The following NCMAP variants were observed in gnomAD, a reference collection of about 807,000 sequenced individuals.
NCMAP encodes noncompact myelin-associated protein.
Under a neutral mutation model 7.8 loss-of-function variants are expected in NCMAP, and 8 were observed. That is an observed-to-expected ratio of 1.02 (90% CI 0.60 to 1.84). The LOEUF (loss-of-function observed/expected upper bound fraction) is 1.84. Ranked by LOEUF, NCMAP falls within the 40% of genes most tolerant of loss-of-function variation. NCMAP has a pLI of 0.00. For missense variants in NCMAP, 112 were observed against 131.4 expected, an observed-to-expected ratio of 0.85 and a Z score of 0.72; for synonymous variants, 41 against 52.9, an observed-to-expected ratio of 0.78 and a Z score of 0.98.
intron 3 of NCMAP, among the ~76,000 whole-genome samples, chr1:24,604,129 C>T (rs899081208): frequency 1.3e-5 from 2 of 152,172 alleles, no homozygotes; most frequent in African/African-American, 4.8e-5. Context: ...ACCTAAACTC[C>T]TCCCATTAGG....
intron 3 of NCMAP, among the ~76,000 whole-genome samples, chr1:24,602,028 G>A (rs1216455346): frequency 1.5e-5 from 2 of 131,082 alleles, no homozygotes; most frequent in African/African-American, 3.0e-5. Flanking sequence ...GTGACGGAGC[G>A]AAACTCCGTC....
intron 1 of NCMAP, among the ~76,000 whole-genome samples, chr1:24,577,859 C>CG (rs111741281): frequency 0.012 from 1,830 of 151,752 alleles, 7 homozygotes; most frequent in Non-Finnish European, 0.015. Context: ...GGCCGGGGGT[C>CG]GGGGGTCTTA....
intron 1 of NCMAP, among the ~76,000 whole-genome samples, chr1:24,561,898 G>A (rs568253876): frequency 3.1e-4 from 41 of 132,626 alleles, no homozygotes. Flanking sequence ...GGACAAGAGC[G>A]AGACTTCGTC....
intron 2 of NCMAP, among the ~76,000 whole-genome samples, chr1:24,600,480 G>A (rs779862557): frequency 1.3e-5 from 2 of 152,184 alleles, no homozygotes; most frequent in Non-Finnish European, 2.9e-5. Flanking sequence ...GCATCAACAC[G>A]ATCACATTGG....
intron 1 of NCMAP, among the ~76,000 whole-genome samples, chr1:24,561,902 C>A (rs1651063881): frequency 9.1e-6 from 1 of 110,096 alleles, no homozygotes; most frequent in Non-Finnish European, 1.8e-5. Context: ...AAGAGCGAGA[C>A]TTCGTCTCAA....
chr1:24,556,690 G>T (rs2148923077), intron 1 of NCMAP, among the ~76,000 whole-genome samples: 1 of 152,278 alleles, frequency 6.6e-6, no homozygotes, highest in South Asian at 2.1e-4. Flanking sequence ...GAGGGGCTCG[G>T]GGGTCGCTCA....
chr1:24,559,668 A>T (rs951558770), intron 1 of NCMAP, among the ~76,000 whole-genome samples: 4 of 152,150 alleles, frequency 2.6e-5, no homozygotes, highest in Admixed American at 2.6e-4. Flanking sequence ...GGCTGGACAC[A>T]TCTGAACTGT....
chr1:24,588,213 CT>C (rs1215908771), intron 1 of NCMAP, among the ~76,000 whole-genome samples: 3 of 152,230 alleles, frequency 2.0e-5, no homozygotes, highest in Non-Finnish European at 4.4e-5. Context: ...TCCCGAGTAG[CT>C]ATCATTACAG....
At chr1:24,601,881 A>C (rs1015880967) in intron 3 of NCMAP, among the ~76,000 whole-genome samples, 4 of 152,096 alleles carry the variant, frequency 2.6e-5, no homozygotes, top group African/African-American at 9.7e-5. Flanking sequence ...TCTACTAAAA[A>C]TACGAAAAAA....
intron 2 of NCMAP, among the ~76,000 whole-genome samples, chr1:24,598,782 C>T (rs1181664948): frequency 6.6e-6 from 1 of 151,610 alleles, no homozygotes; most frequent in Non-Finnish European, 1.5e-5. Flanking sequence ...GGATTACAGG[C>T]TTGTACCACC....
intron 1 of NCMAP, among the ~76,000 whole-genome samples, chr1:24,583,017 A>G (rs934697564): frequency 2.6e-5 from 4 of 152,180 alleles, no homozygotes; most frequent in African/African-American, 4.8e-5. Flanking sequence ...CGTCATCATC[A>G]TGGTTATTGG....
At chr1:24,581,114 C>G (rs927228932) in intron 1 of NCMAP, among the ~76,000 whole-genome samples, 1 of 149,014 alleles carries the variant, frequency 6.7e-6, no homozygotes, top group African/African-American at 2.5e-5. Flanking sequence ...AGCCAGAAGT[C>G]CTTTCTGCTT....
At chr1:24,564,223 A>G (rs1033970256) in intron 1 of NCMAP, among the ~76,000 whole-genome samples, 2 of 152,112 alleles carry the variant, frequency 1.3e-5, no homozygotes, top group Non-Finnish European at 2.9e-5. Flanking sequence ...AGAGAAGCTG[A>G]GAGAGGCCAG....
chr1:24,579,511 G>T (rs1284530777), intron 1 of NCMAP, among the ~76,000 whole-genome samples: 1 of 152,100 alleles, frequency 6.6e-6, no homozygotes, highest in Non-Finnish European at 1.5e-5. Context: ...GAGGCCAGAG[G>T]ATCACTTGAG....
rs1233786231 is a variant in NCMAP at position 24,608,125 on chromosome 1, A to AT, written c.*2384dup. 1 of 152,186 alleles carries AT rather than the reference A, an allele frequency of 6.6e-6. No homozygotes were observed. The allele number at this position is 152,186 out of a possible 1,614,324, so 9.4% of individuals were successfully genotyped here. ...TTTCCCAAAAACCTGGGGAGGAATT[A>AT]TTTTTTCCAAAACAGATGATAATTT... On this transcript the variant is annotated 3_prime_UTR_variant, in exon 4 of 4. Transcript: ENST00000374392.
chr1:24,600,803 A>T, intron 2 of NCMAP, 137 bp from the exon 3 acceptor site: 1 of 748,476 alleles, frequency 1.3e-6, no homozygotes, highest in Non-Finnish European at 2.4e-6. Flanking sequence ...CCTGGGGTCA[A>T]CTGGGAGTGT....
At chr1:24,567,219 T>C (rs890863760) in intron 1 of NCMAP, among the ~76,000 whole-genome samples, 6 of 152,160 alleles carry the variant, frequency 3.9e-5, no homozygotes, top group African/African-American at 1.4e-4. Context: ...GCAGGCCTTG[T>C]GCTGGGTGCT....
intron 3 of NCMAP, among the ~76,000 whole-genome samples, chr1:24,604,656 C>G (rs1652658082): frequency 1.4e-5 from 1 of 71,272 alleles, no homozygotes; most frequent in African/African-American, 5.6e-5. Flanking sequence ...ATATATATGT[C>G]AGCAAGATGA....
At chr1:24,573,227 A>T (rs1651441524) in intron 1 of NCMAP, among the ~76,000 whole-genome samples, 1 of 150,792 alleles carries the variant, frequency 6.6e-6, no homozygotes, top group Non-Finnish European at 1.5e-5. Flanking sequence ...GTTCGGCTCA[A>T]ACACAGACCC....
Sources: allele counts gnomAD v4.1 joint callset (sites outside exome capture counted in the v4.1 genomes callset), GRCh38; gene constraint gnomAD v4.1.1; transcripts MANE v1.5; gene names NCBI Gene and HGNC (gene_info 2026-07-23, HGNC 2026-07-21).